The following BMP7 variants were observed in gnomAD, a reference collection of about 807,000 sequenced individuals.
BMP7 encodes bone morphogenetic protein 7, also known as osteogenic protein 1.
Under a neutral mutation model 41.2 loss-of-function variants are expected in BMP7, and 12 were observed. The ratio of observed to expected loss-of-function variants is 0.29; its 90% CI spans 0.19 to 0.47. The LOEUF (loss-of-function observed/expected upper bound fraction) is 0.47. Ranked by LOEUF, BMP7 falls within the 20% of genes least tolerant of loss-of-function variation. The pLI is 0.99. For synonymous variants in BMP7, 248 were observed against 250.0 expected (o/e 0.99, Z 0.07); for missense variants, 467 against 606.0 (o/e 0.77, Z 2.41).
intron 2 of BMP7, among the ~76,000 whole-genome samples, chr20:57,211,519 C>T (rs956139626): frequency 3.3e-5 from 5 of 152,198 alleles, no homozygotes; most frequent in African/African-American, 1.2e-4. Flanking sequence ...GTGGGTATGC[C>T]ACCTCCCAGG....
chr20:57,191,513 C>T (rs1488470332), intron 3 of BMP7, among the ~76,000 whole-genome samples: 1 of 151,974 alleles, frequency 6.6e-6, no homozygotes, highest in East Asian at 1.9e-4. Context: ...GCCTGGCCAA[C>T]ATGGAGAAAC....
intron 2 of BMP7, among the ~76,000 whole-genome samples, chr20:57,223,560 T>C (rs1010354693): frequency 1.3e-5 from 2 of 152,148 alleles, no homozygotes; most frequent in African/African-American, 2.4e-5. Context: ...AGAGCCTGGG[T>C]TTGAGCCCCA....
chr20:57,240,538 G>T (rs2066064749), intron 1 of BMP7, among the ~76,000 whole-genome samples: 1 of 152,086 alleles, frequency 6.6e-6, no homozygotes, highest in Admixed American at 6.5e-5. Flanking sequence ...ACATTTTTGG[G>T]TATTTTCTCA....
chr20:57,247,957 C>T (rs1426701707), intron 1 of BMP7, among the ~76,000 whole-genome samples: 1 of 152,152 alleles, frequency 6.6e-6, no homozygotes, highest in Non-Finnish European at 1.5e-5. Flanking sequence ...TTTCAGCAAA[C>T]AACTGGCTGT....
At chr20:57,247,138 G>A (rs191940696) in intron 1 of BMP7, among the ~76,000 whole-genome samples, 299 of 152,310 alleles carry the variant, frequency 2.0e-3, no homozygotes, top group Non-Finnish European at 1.7e-3. Flanking sequence ...CAAAGGGCCA[G>A]AGGCTGACTC....
chr20:57,224,148 A>G lies in BMP7; in HGVS notation c.611+4081T>C, dbSNP rs1319844091. 6.6e-6 allele frequency among the ~76,000 whole-genome samples: 1 copy of G among 152,152 alleles called. No individual in the cohort carries two copies. Among genetic ancestry groups the G allele is most frequent in the Non-Finnish European group, 1.5e-5 (1 of 68,002 alleles). On this transcript the variant is annotated intron_variant, in intron 2 of 6. Transcript: ENST00000395863. The surrounding 1 kb of genome is among the most constrained non-coding windows in gnomAD (Gnocchi z 4.8). ...AAACTGAGCCCAGGCCTCCTCTGCC[A>G]ATCCATCCTGTGTGGTGGGGACAGG...
chr20:57,204,636 T>TG (rs1322989266), intron 2 of BMP7, among the ~76,000 whole-genome samples: 1 of 152,140 alleles, frequency 6.6e-6, no homozygotes, highest in African/African-American at 2.4e-5. Context: ...TCCAAAACTC[T>TG]GGGGGACAGA....
chr20:57,216,670 G>A (rs1000240693), intron 2 of BMP7, among the ~76,000 whole-genome samples: 1 of 152,122 alleles, frequency 6.6e-6, no homozygotes, highest in Non-Finnish European at 1.5e-5. Flanking sequence ...CCTTGACTCC[G>A]ACTCCTCAGT....
intron 1 of BMP7, among the ~76,000 whole-genome samples, chr20:57,232,582 T>C (rs1006378919): frequency 1.3e-5 from 2 of 152,288 alleles, no homozygotes; most frequent in Middle Eastern, 3.4e-3. Flanking sequence ...GTTTTTAATA[T>C]AGAAGATGAA....
At chr20:57,183,585 G>T in intron 4 of BMP7, 137 bp downstream of exon 4, 1 of 1,147,858 alleles carries the variant, frequency 8.7e-7, no homozygotes, top group Admixed American at 1.9e-5. Context: ...GGATTTGGGG[G>T]TTTTCTTCCT....
intron 4 of BMP7, among the ~76,000 whole-genome samples, chr20:57,179,568 G>T (rs1022988122): frequency 2.6e-5 from 4 of 152,222 alleles, no homozygotes; most frequent in Non-Finnish European, 4.4e-5. Context: ...AGCTCCGCGT[G>T]GGGTAGCGTG....
intron 2 of BMP7, among the ~76,000 whole-genome samples, chr20:57,204,436 C>T (rs954159934): frequency 5.3e-5 from 8 of 152,198 alleles, no homozygotes; most frequent in African/African-American, 1.7e-4. Context: ...AGAAGACACA[C>T]GGGAAACAGA....
In BMP7 at chr20:57,169,764, T is replaced by C. The variant is rs1415758569; in HGVS notation, c.*1195A>G. ...AACTAGGCTTCATTGGTGCTGTTTT[T>C]TTTTTCTTTTGAGATGGAGTCTTGT... On this transcript the variant is annotated 3_prime_UTR_variant, in exon 7 of 7. Coordinates refer to ENST00000395863, the MANE Select transcript of BMP7 (RefSeq NM_001719.3). 6.6e-6 allele frequency: 1 copy of C among 151,936 alleles called. No homozygotes were observed. Among genetic ancestry groups the C allele is most frequent in the African/African-American group, 2.4e-5 (1 of 41,330 alleles). The allele number at this position is 151,936 out of a possible 1,614,324, so 9.4% of individuals were successfully genotyped here. A position where few individuals can be genotyped will look rare whatever the true frequency, so the allele number is the denominator to read the frequency against.
intron 1 of BMP7, among the ~76,000 whole-genome samples, chr20:57,247,149 C>T (rs2066093705): frequency 6.6e-6 from 1 of 152,196 alleles, no homozygotes; most frequent in Non-Finnish European, 1.5e-5. Flanking sequence ...AGGCTGACTC[C>T]AGCAACTGTG....
At chr20:57,226,745 T>C (rs2066008618) in intron 2 of BMP7, among the ~76,000 whole-genome samples, 1 of 152,016 alleles carries the variant, frequency 6.6e-6, no homozygotes, top group Non-Finnish European at 1.5e-5. Context: ...CAGCAGGGGC[T>C]GGAAGCCTTC....
chr20:57,187,759 C>A (rs1984251913), intron 3 of BMP7, among the ~76,000 whole-genome samples: 1 of 152,162 alleles, frequency 6.6e-6, no homozygotes, highest in Non-Finnish European at 1.5e-5. Flanking sequence ...CATTCTCACC[C>A]CAGCCACTAA....
chr20:57,197,839 G>C (rs1357668266), intron 3 of BMP7, among the ~76,000 whole-genome samples: 2 of 152,216 alleles, frequency 1.3e-5, no homozygotes, highest in East Asian at 3.9e-4. Flanking sequence ...TAGCTGCTGA[G>C]ACCACACAAA....
intron 1 of BMP7, among the ~76,000 whole-genome samples, chr20:57,242,059 G>A (rs566265392): frequency 3.3e-5 from 5 of 152,148 alleles, no homozygotes; most frequent in Admixed American, 1.3e-4. Flanking sequence ...AGGGAGGAAC[G>A]CAGTCTCCAG....
chr20:57,197,135 C>T (rs1403458293), intron 3 of BMP7, among the ~76,000 whole-genome samples: 3 of 151,888 alleles, frequency 2.0e-5, no homozygotes, highest in Admixed American at 6.6e-5. Context: ...CTCCTGACCT[C>T]GTGATCTGCC....
Sources: allele counts gnomAD v4.1 joint callset (sites outside exome capture counted in the v4.1 genomes callset), GRCh38; gene constraint gnomAD v4.1.1; non-coding constraint Gnocchi (gnomAD v3.1); transcripts MANE v1.5; gene names NCBI Gene and HGNC (gene_info 2026-07-23, HGNC 2026-07-21).